Variants in WDFY2 observed in about 807,000 individuals in gnomAD.
WDFY2 encodes WD repeat and FYVE domain containing 2, also known as WD repeat and FYVE domain-containing protein 2.
WDFY2 carries 36 observed loss-of-function variants against 56.4 expected under a neutral mutation model. The ratio of observed to expected loss-of-function variants is 0.64; its 90% CI spans 0.49 to 0.84. WDFY2 has a LOEUF of 0.84. Among genes scored for constraint, WDFY2 ranks in the 40% least tolerant of loss-of-function variants. The pLI is 0.00. For synonymous variants in WDFY2, 176 were observed against 183.7 expected (o/e 0.96, Z 0.34); for missense variants, 444 against 512.2 (o/e 0.87, Z 1.29).
At chr13:51,660,719 T>C (rs1213592401) in intron 2 of WDFY2, 56 bp downstream of exon 2, 2 of 1,507,488 alleles carry the variant, frequency 1.3e-6, no homozygotes, top group Non-Finnish European at 1.8e-6. Context: ...CAGATTGCCT[T>C]CTCTGTATTT....
chr13:51,636,838 G>A (rs977674397), intron 1 of WDFY2, among the ~76,000 whole-genome samples: 1 of 152,206 alleles, frequency 6.6e-6, no homozygotes, highest in Non-Finnish European at 1.5e-5. Flanking sequence ...CAACTCCGTG[G>A]AGAAAGAACA....
rs371373137 is a variant in WDFY2, at chr13:51,689,760, A to G, written c.280-13836A>G. 7.2e-5 allele frequency among the ~76,000 whole-genome samples: 11 copies of G among 152,310 alleles called. 1 individual carries two copies. In the South Asian group the frequency reaches 1.4e-3, roughly 20 times the overall value. ...TTGGTAGCCAGTGAAACCTCTTTTC[A>G]TAATTATAAACAAACAAGAATAATC... is the stretch of plus-strand genomic sequence containing the variant. On this transcript the variant is annotated intron_variant, in intron 3 of 11. Coordinates refer to ENST00000298125, the MANE Select transcript of WDFY2 (RefSeq NM_052950.4).
Position 51,703,512 on chromosome 13 carries a change from C to A in WDFY2, c.280-84C>A, listed in dbSNP as rs929030571. 11 of 1,002,450 alleles carry A rather than the reference C, an allele frequency of 1.1e-5. No homozygotes were observed. In the African/African-American group the frequency reaches 1.8e-4, roughly 17 times the overall value. 62.1% of individuals were successfully genotyped at this position (1,002,450 alleles called of 1,614,324 possible). On this transcript the variant is annotated intron_variant, in intron 3 of 11. Coordinates refer to ENST00000298125, the MANE Select transcript of WDFY2 (RefSeq NM_052950.4). ...GTTGGATGTAATCGTCATGACAATT[C>A]GCTTTATTCAGTCTGGTTTTACCAA...
chr13:51,738,061 C>G (rs1952881327), intron 6 of WDFY2, among the ~76,000 whole-genome samples: 1 of 152,176 alleles, frequency 6.6e-6, no homozygotes, highest in Non-Finnish European at 1.5e-5. Context: ...CCTGAAAGCT[C>G]TTAAGTGTAG....
intron 1 of WDFY2, among the ~76,000 whole-genome samples, chr13:51,655,987 G>C (rs1955501347): frequency 6.7e-6 from 1 of 149,426 alleles, no homozygotes; most frequent in South Asian, 2.1e-4. Flanking sequence ...TTTAGCTAAA[G>C]GTTTGTTACT....
Position 51,739,945 on chromosome 13 carries a change from C to T in WDFY2, c.725+770C>T, listed in dbSNP as rs146070645. 2.0e-5 allele frequency among the ~76,000 whole-genome samples: 3 copies of T among 152,322 alleles called. No homozygotes were observed. The East Asian group carries it at 5.8e-4, about 29-fold the overall frequency. On this transcript the variant is annotated intron_variant, in intron 7 of 11. Transcript: ENST00000298125. ...ATAAAAGAATGTTAGATCTGCTTTA[C>T]AACTCTAGTGCTCATCTGAATTGTT...
At chr13:51,666,727 C>G (rs1955709005) in intron 2 of WDFY2, among the ~76,000 whole-genome samples, 1 of 151,790 alleles carries the variant, frequency 6.6e-6, no homozygotes, top group Non-Finnish European at 1.5e-5. Context: ...CACACACACT[C>G]TCTCTCTCTC....
intron 8 of WDFY2, among the ~76,000 whole-genome samples, chr13:51,752,062 T>C (rs1442199063): frequency 6.6e-6 from 1 of 152,222 alleles, no homozygotes; most frequent in Admixed American, 6.5e-5. Flanking sequence ...AGACTTTCCC[T>C]TTGACAATGC....
chr13:51,727,791 G>C lies in WDFY2; in HGVS notation c.598+1G>C, dbSNP rs779528184. 6.2e-7 allele frequency: 1 copy of C among 1,613,786 alleles called. No homozygotes were observed. The highest frequency in any genetic ancestry group is 8.5e-7 in the Non-Finnish European group (1 of 1,179,816). ...GTCACAACATTCAGAGGACACACAG[G>C]TAGGATTAACAGTAAAATCGTCATG... is the stretch of plus-strand genomic sequence containing the variant. On this transcript the variant is annotated splice_donor_variant, in intron 6 of 11. Transcript: ENST00000298125. LOFTEE classifies it high-confidence loss of function.
At chr13:51,624,780 T>A (rs1384701683) in intron 1 of WDFY2, among the ~76,000 whole-genome samples, 1 of 151,616 alleles carries the variant, frequency 6.6e-6, no homozygotes, top group Non-Finnish European at 1.5e-5. Flanking sequence ...CTGAAGGAGG[T>A]TGGGGGGTTT....
chr13:51,758,140 C>T (rs1321850948), intron 10 of WDFY2, 52 bp from the exon 11 acceptor site: 5 of 1,426,496 alleles, frequency 3.5e-6, no homozygotes, highest in African/African-American at 2.8e-5. Context: ...AGATCTCTCT[C>T]ATTCATATGT....
chr13:51,692,288 C>G (rs893791235), intron 3 of WDFY2, among the ~76,000 whole-genome samples: 22 of 152,208 alleles, frequency 1.4e-4, no homozygotes, highest in African/African-American at 4.1e-4. Flanking sequence ...CAAAGGGAAT[C>G]CTTCCAGTTT....
intron 5 of WDFY2, among the ~76,000 whole-genome samples, chr13:51,723,265 C>G (rs1030359588): frequency 3.9e-5 from 6 of 152,142 alleles, no homozygotes; most frequent in Admixed American, 3.9e-4. Context: ...TCAGTAATCA[C>G]AATGCTATTG....
intron 4 of WDFY2, among the ~76,000 whole-genome samples, chr13:51,706,445 C>T (rs139264791): frequency 6.6e-6 from 1 of 152,288 alleles, no homozygotes; most frequent in Non-Finnish European, 1.5e-5. Context: ...AAAATTGGAA[C>T]TGAGATTTCC....
intron 1 of WDFY2, chr13:51,586,424 T>C (rs1357575792): frequency 5.8e-6 from 1 of 170,968 alleles, no homozygotes; most frequent in African/African-American, 2.4e-5. Flanking sequence ...ATTTATTTTT[T>C]TAAGACTAGT....
intron 3 of WDFY2, among the ~76,000 whole-genome samples, chr13:51,690,381 T>C (rs1336442861): frequency 7.9e-6 from 1 of 126,670 alleles, no homozygotes; most frequent in Non-Finnish European, 1.6e-5. Flanking sequence ...GAGTGTGATA[T>C]TCCCCTTCCT....
intron 1 of WDFY2, among the ~76,000 whole-genome samples, chr13:51,627,805 C>T (rs897172662): frequency 6.6e-6 from 1 of 152,094 alleles, no homozygotes; most frequent in Non-Finnish European, 1.5e-5. Context: ...GTAGGTGGCT[C>T]CTCTCCATTG....
intron 1 of WDFY2, among the ~76,000 whole-genome samples, chr13:51,649,635 A>G (rs1955333365): frequency 7.3e-6 from 1 of 136,632 alleles, no homozygotes; most frequent in Admixed American, 8.3e-5. Flanking sequence ...CCTGTGTCCA[A>G]GTGTTCTCGT....
At chr13:51,677,014 G>A (rs1334176554) in intron 3 of WDFY2, among the ~76,000 whole-genome samples, 6 of 152,178 alleles carry the variant, frequency 3.9e-5, no homozygotes, top group Admixed American at 3.9e-4. Flanking sequence ...GTTAATGTAG[G>A]TGGTTAATGG....
Sources: allele counts gnomAD v4.1 joint callset (sites outside exome capture counted in the v4.1 genomes callset), GRCh38; gene constraint gnomAD v4.1.1; transcripts MANE v1.5; gene names NCBI Gene and HGNC (gene_info 2026-07-23, HGNC 2026-07-21).